Variants in DTD1 observed in about 807,000 individuals in gnomAD.
The protein encoded by DTD1 is D-aminoacyl-tRNA deacylase 1, also known as D-tyrosyl-tRNA deacylase 1 homolog.
DTD1 carries 13 observed loss-of-function variants against 25.6 expected under a neutral mutation model. The ratio of observed to expected loss-of-function variants is 0.51; its 90% CI spans 0.33 to 0.81. The LOEUF is 0.81. Among genes scored for constraint, DTD1 ranks in the 30% least tolerant of loss-of-function variants. DTD1 has a pLI of 0.02. For synonymous variants in DTD1, 110 were observed against 103.6 expected (o/e 1.06, Z -0.37); for missense variants, 193 against 266.4 (o/e 0.72, Z 1.92).
chr20:18,632,561 A>G (rs549466526), intron 4 of DTD1: 2 of 985,424 alleles, frequency 2.0e-6, no homozygotes, highest in East Asian at 2.3e-4. Context: ...CTTTTTACTG[A>G]TAGATAAACA....
chr20:18,655,478 A>T lies in DTD1; in HGVS notation c.477+27245A>T, dbSNP rs566437397. Among the ~76,000 whole-genome samples the T allele has an allele frequency of 3.9e-5, 6 of 152,322 alleles. No individual in the cohort carries two copies. The South Asian group carries it at 1.0e-3, about 26-fold the overall frequency. On this transcript the variant is annotated intron_variant, in intron 4 of 5. Coordinates refer to ENST00000377452, the MANE Select transcript of DTD1 (RefSeq NM_080820.6). ...GAAATACTTACTTTTAAAACTTTGT[A>T]TTATAGAAAACTCCAAACTCACATA... is the stretch of plus-strand genomic sequence containing the variant.
chr20:18,722,372 G>T (rs1369260895), intron 4 of DTD1, among the ~76,000 whole-genome samples: 1 of 152,234 alleles, frequency 6.6e-6, no homozygotes, highest in Non-Finnish European at 1.5e-5. Flanking sequence ...CACAGAAAGG[G>T]CCAAGTGGAG....
At chr20:18,590,382 A>G (rs986590007) in intron 1 of DTD1, among the ~76,000 whole-genome samples, 15 of 149,828 alleles carry the variant, frequency 1.0e-4, no homozygotes, top group Admixed American at 8.7e-4. Context: ...GGTATATTCA[A>G]TTTATGTGAT....
At chr20:18,644,907 A>G (rs1445959035) in intron 4 of DTD1, among the ~76,000 whole-genome samples, 1 of 152,152 alleles carries the variant, frequency 6.6e-6, no homozygotes, top group African/African-American at 2.4e-5. Context: ...AGACTTTGGG[A>G]GCCCAAGGCA....
At chr20:18,606,122 T>C (rs2060656216) in intron 3 of DTD1, among the ~76,000 whole-genome samples, 1 of 149,926 alleles carries the variant, frequency 6.7e-6, no homozygotes, top group African/African-American at 2.5e-5. Flanking sequence ...GCGAAGGACA[T>C]GAACAGACAA....
At chr20:18,708,265 TTA>T (rs1236295433) in intron 4 of DTD1, among the ~76,000 whole-genome samples, 6 of 13,840 alleles carry the variant, frequency 4.3e-4, no homozygotes, top group African/African-American at 1.4e-3. Context: ...TATATATATT[TTA>T]TATATATATA....
At chr20:18,588,556 T>C (rs528505926) in intron 1 of DTD1, among the ~76,000 whole-genome samples, 12 of 152,308 alleles carry the variant, frequency 7.9e-5, no homozygotes, top group Non-Finnish European at 1.8e-4. Flanking sequence ...TTTTTACGTA[T>C]TCCAATTTTT....
chr20:18,668,390 TA>T (rs1439139708), intron 4 of DTD1, among the ~76,000 whole-genome samples: 1 of 152,208 alleles, frequency 6.6e-6, no homozygotes, highest in Admixed American at 6.5e-5. Context: ...CTAACAGCTC[TA>T]AAAAGGAGCA....
chr20:18,647,510 A>C (rs1005357669), intron 4 of DTD1, among the ~76,000 whole-genome samples: 2 of 152,118 alleles, frequency 1.3e-5, no homozygotes, highest in Non-Finnish European at 2.9e-5. Flanking sequence ...TCGAAGGTTG[A>C]GGAAGAGGCA....
intron 4 of DTD1, among the ~76,000 whole-genome samples, chr20:18,684,333 C>G (rs879616630): frequency 6.6e-6 from 1 of 152,172 alleles, no homozygotes; most frequent in Non-Finnish European, 1.5e-5. Flanking sequence ...GTCACCCACA[C>G]TGGATTGCAG....
At position 18,719,466 on chromosome 20, in the gene DTD1, G is replaced by A. The variant is rs2061194427; in HGVS notation, c.478-24634G>A. Among the ~76,000 whole-genome samples, 3 of 152,238 alleles carry A rather than the reference G, an allele frequency of 2.0e-5. No individual in the cohort carries two copies. The South Asian group carries it at 6.2e-4, about 31-fold the overall frequency. On this transcript the variant is annotated intron_variant, in intron 4 of 5. Transcript: ENST00000377452. ...AACTGTCCCATCAGTTGGAGTGGCT[G>A]GAATGGCTGGAGCCTTTACATGAAA...
Position 18,745,819 on chromosome 20 carries a change from G to A in DTD1, c.*19+1548G>A, listed in dbSNP as rs113630612. ...CTGAGGAATTTGGATTTTATCCTGG[G>A]GCGGGAGGGACCTCTGAAAGGTTTT... On this transcript the variant is annotated intron_variant, in intron 5 of 5. Transcript: ENST00000377452. Among the ~76,000 whole-genome samples the A allele has an allele frequency of 7.2e-3, 1,097 of 152,250 alleles. 16 individuals are homozygous for A. The highest frequency in any genetic ancestry group is 0.025 in the African/African-American group (1,054 of 41,538).
intron 4 of DTD1, among the ~76,000 whole-genome samples, chr20:18,704,653 T>G (rs1173836828): frequency 6.6e-6 from 1 of 152,128 alleles, no homozygotes; most frequent in Admixed American, 6.6e-5. Context: ...CATTTTTGGT[T>G]GTCACAAGTA....
chr20:18,601,263 G>A (rs1190176678), intron 3 of DTD1, among the ~76,000 whole-genome samples: 1 of 152,118 alleles, frequency 6.6e-6, no homozygotes, highest in Admixed American at 6.6e-5. Flanking sequence ...GCTTTGGGAA[G>A]CCGAGGAGGT....
intron 3 of DTD1, among the ~76,000 whole-genome samples, chr20:18,601,590 C>T (rs909623905): frequency 6.6e-6 from 1 of 151,616 alleles, no homozygotes; most frequent in Non-Finnish European, 1.5e-5. Context: ...AACCGGCAGA[C>T]TGCCTCCTCA....
At chr20:18,738,559 C>T (rs936511467) in intron 4 of DTD1, among the ~76,000 whole-genome samples, 1 of 152,324 alleles carries the variant, frequency 6.6e-6, no homozygotes, top group South Asian at 2.1e-4. Context: ...TCCGTTTCCT[C>T]CCCTGACTAT....
At chr20:18,761,254 C>T (rs1046810967) in intron 5 of DTD1, among the ~76,000 whole-genome samples, 8 of 152,132 alleles carry the variant, frequency 5.3e-5, no homozygotes, top group African/African-American at 1.9e-4. Flanking sequence ...CAGCAATCCC[C>T]AGTGAGATGA....
At chr20:18,745,463 A>G (rs1316044090) in intron 5 of DTD1, among the ~76,000 whole-genome samples, 1 of 152,186 alleles carries the variant, frequency 6.6e-6, no homozygotes, top group Non-Finnish European at 1.5e-5. Flanking sequence ...CAGTTATACT[A>G]CAGCACGGTG....
intron 4 of DTD1, among the ~76,000 whole-genome samples, chr20:18,711,951 C>G (rs980124896): frequency 6.6e-6 from 1 of 151,882 alleles, no homozygotes; most frequent in African/African-American, 2.4e-5. Flanking sequence ...TGCCTGTAAT[C>G]CCAGCTACAT....
Sources: allele counts gnomAD v4.1 joint callset (sites outside exome capture counted in the v4.1 genomes callset), GRCh38; gene constraint gnomAD v4.1.1; transcripts MANE v1.5; gene names NCBI Gene and HGNC (gene_info 2026-07-23, HGNC 2026-07-21).